Variants in FRMPD4 observed in about 807,000 individuals in gnomAD.
FRMPD4 encodes FERM and PDZ domain-containing protein 4.
In FRMPD4, 22 loss-of-function variants were observed where a neutral mutation model predicts 94.1. The observed-to-expected ratio is 0.23, with a 90% CI of 0.17 to 0.33. The LOEUF (loss-of-function observed/expected upper bound fraction) is 0.33. Among genes scored for constraint, FRMPD4 ranks in the 10% least tolerant of loss-of-function variants. The pLI is 1.00. For missense variants in FRMPD4, 1,111 were observed against 1,339.9 expected, an observed-to-expected ratio of 0.83 and a Z score of 2.67; for synonymous variants, 631 against 548.6, an observed-to-expected ratio of 1.15 and a Z score of -2.10.
chrX:12,430,629 A>G (rs2057000191), intron 1 of FRMPD4, among the ~76,000 whole-genome samples: 2 of 111,768 alleles, frequency 1.8e-5, no homozygotes. Context: ...TCCTGGTGCC[A>G]AGGCCAGTTT....
At chrX:12,669,209 A>T (rs1036685458) in intron 4 of FRMPD4, among the ~76,000 whole-genome samples, 1 of 111,882 alleles carries the variant, frequency 8.9e-6, no homozygotes, top group Non-Finnish European at 1.9e-5. Context: ...GGGGAGATCC[A>T]CATGGCAAGG....
intron 4 of FRMPD4, among the ~76,000 whole-genome samples, chrX:12,672,943 C>T (rs1659458346): frequency 8.9e-6 from 1 of 111,960 alleles, no homozygotes; most frequent in Non-Finnish European, 1.9e-5. Context: ...AACAACCAGC[C>T]CTCAGGAATG....
intron 4 of FRMPD4, among the ~76,000 whole-genome samples, chrX:12,663,426 C>A (rs1028582535): frequency 8.9e-6 from 1 of 112,136 alleles, no homozygotes; most frequent in South Asian, 3.7e-4. Context: ...AGCCAATTTT[C>A]CCAACACCAT....
chrX:12,073,761 G>A (rs1361097191), intron 3 of FRMPD4, among the ~76,000 whole-genome samples: 1 of 112,186 alleles, frequency 8.9e-6, no homozygotes, highest in Admixed American at 9.5e-5. Flanking sequence ...TTTAGAAAGG[G>A]GATCTTGCTA....
intron 2 of FRMPD4, among the ~76,000 whole-genome samples, chrX:12,601,993 A>G: frequency 9.0e-6 from 1 of 111,449 alleles, no homozygotes; most frequent in Non-Finnish European, 1.9e-5. Context: ...TGATAAATAC[A>G]TCACCCCTAA....
intron 2 of FRMPD4, among the ~76,000 whole-genome samples, chrX:11,870,553 C>T (rs998754885): frequency 9.0e-5 from 10 of 111,660 alleles, no homozygotes; most frequent in Non-Finnish European, 5.7e-5. Flanking sequence ...CAGACAAAAG[C>T]AGGAGACTGG....
chrX:12,007,311 G>A (rs1444974358), intron 3 of FRMPD4, among the ~76,000 whole-genome samples: 4 of 112,436 alleles, frequency 3.6e-5, no homozygotes, highest in African/African-American at 1.3e-4. Context: ...ACTGACCCCA[G>A]CTGAAGGTGG....
intron 1 of FRMPD4, among the ~76,000 whole-genome samples, chrX:12,439,728 A>G (rs1389425239): frequency 8.9e-6 from 1 of 112,267 alleles, no homozygotes; most frequent in Non-Finnish European, 1.9e-5. Context: ...GGGCAGGAGA[A>G]GGTCACCTGC....
At chrX:12,309,170 C>G (rs1045602720) in intron 1 of FRMPD4, among the ~76,000 whole-genome samples, 2 of 111,649 alleles carry the variant, frequency 1.8e-5, no homozygotes, top group African/African-American at 6.5e-5. Context: ...CCTTTATTTA[C>G]CAAAACAGGT....
At chrX:12,146,506 C>T (rs2055771996) in intron 1 of FRMPD4, among the ~76,000 whole-genome samples, 1 of 112,000 alleles carries the variant, frequency 8.9e-6, no homozygotes, top group Admixed American at 9.4e-5. Context: ...ACATCTACCC[C>T]TAACCATGTT....
At chrX:12,706,060 T>C (rs1461185809) in intron 11 of FRMPD4, among the ~76,000 whole-genome samples, 1 of 110,105 alleles carries the variant, frequency 9.1e-6, no homozygotes, top group Non-Finnish European at 1.9e-5. Context: ...TAAACATCCC[T>C]GGCACATTCA....
chrX:12,476,078 A>T (rs1347366439), intron 1 of FRMPD4, among the ~76,000 whole-genome samples: 2 of 112,077 alleles, frequency 1.8e-5, no homozygotes, highest in Admixed American at 1.9e-4. Context: ...ACAAGGCTAC[A>T]GTAACCAAAA....
chrX:12,432,691 A>G (rs887494202), intron 1 of FRMPD4, among the ~76,000 whole-genome samples: 15 of 112,378 alleles, frequency 1.3e-4, no homozygotes, highest in African/African-American at 4.8e-4. Context: ...AGCAAGATAC[A>G]GGGAGAGAAT....
intron 8 of FRMPD4, among the ~76,000 whole-genome samples, chrX:12,691,471 T>C: frequency 9.0e-6 from 1 of 110,648 alleles, no homozygotes; most frequent in East Asian, 2.8e-4. Flanking sequence ...AATCTACCTA[T>C]AGATATTTTA....
intron 1 of FRMPD4, among the ~76,000 whole-genome samples, chrX:12,236,121 A>G (rs894124833): frequency 8.9e-6 from 1 of 112,004 alleles, no homozygotes; most frequent in Non-Finnish European, 1.9e-5. Flanking sequence ...TTTGTAATAG[A>G]AAGAGAGCTT....
intron 5 of FRMPD4, among the ~76,000 whole-genome samples, chrX:12,678,030 A>G (rs5979709): frequency 0.3 from 33,648 of 111,525 alleles, 4,076 homozygotes; most frequent in East Asian, 0.63. Context: ...CAGTGTAAAC[A>G]TTTTGACCTA....
intron 1 of FRMPD4, among the ~76,000 whole-genome samples, chrX:12,199,265 G>GTGTGTGTGTGTGTGTA (rs2056602111): frequency 1.0e-5 from 1 of 100,018 alleles, no homozygotes. Flanking sequence ...GTGTGTGTGT[G>GTGTGTGTGTGTGTGTA]TGTGTATGTG....
intron 1 of FRMPD4, among the ~76,000 whole-genome samples, chrX:12,311,549 C>G (rs1211419022): frequency 2.7e-5 from 3 of 110,015 alleles, no homozygotes; most frequent in Non-Finnish European, 5.7e-5. Context: ...TTTTTTTAAC[C>G]TGGTTTATAT....
intron 1 of FRMPD4, among the ~76,000 whole-genome samples, chrX:12,191,701 G>A (rs2056494250): frequency 8.9e-6 from 1 of 111,902 alleles, no homozygotes; most frequent in South Asian, 3.7e-4. Context: ...CAAAACTATT[G>A]GGAGAGTAAG....
Sources: gnomAD v4.1 joint callset for allele counts (sites outside exome capture counted in the v4.1 genomes callset) on GRCh38, gnomAD v4.1.1 for gene constraint, MANE v1.5 for transcripts, NCBI Gene and HGNC (gene_info 2026-07-23, HGNC 2026-07-21) for gene names.